Variants in TLN2 observed in about 807,000 individuals in gnomAD.
TLN2 encodes talin-2.
TLN2 carries 118 observed loss-of-function variants against 294.7 expected under a neutral mutation model. That is an observed-to-expected ratio of 0.40 (90% CI 0.34 to 0.47). The LOEUF is 0.47. Ranked by LOEUF, TLN2 falls within the 20% of genes least tolerant of loss-of-function variation. The pLI is 0.84. For synonymous variants in TLN2, 1,431 were observed against 1,304.5 expected (o/e 1.10, Z -2.09); for missense variants, 3,083 against 3,282.2 (o/e 0.94, Z 1.48).
At chr15:62,760,340 C>A (rs752187220) in intron 37 of TLN2, among the ~76,000 whole-genome samples, 28 of 152,176 alleles carry the variant, frequency 1.8e-4, no homozygotes, top group Non-Finnish European at 3.1e-4. Context: ...TCAGAAATCG[C>A]CTTCAAACCA....
Position 62,677,806 on chromosome 15 carries a change from C to CTTTTTTTTTTTTTTTTTTTTTT in TLN2, c.957+2500_957+2501insTTTTTTTTTTTTTTTTTTTTTT. 2.4e-4 allele frequency among the ~76,000 whole-genome samples: 18 copies of CTTTTTTTTTTTTTTTTTTTTTT among 75,270 alleles called. 5 individuals are homozygous for CTTTTTTTTTTTTTTTTTTTTTT. Among genetic ancestry groups the CTTTTTTTTTTTTTTTTTTTTTT allele is most frequent in the African/African-American group, 2.8e-4 (6 of 21,182 alleles). The allele number at this position is 75,270 out of a possible 152,430, so 49.4% of individuals were successfully genotyped here. ...TTAAGAAAGTAGGCAGCACTTGCAACTTTTTTTTTTTTTTTGAGACGGAGA... is the reference window on the plus strand; with the variant it reads ...TTAAGAAAGTAGGCAGCACTTGCAACTTTTTTTTTTTTTTTTTTTTTTTTTTTTTTTTTTTTTGAGACGGAGA... On this transcript the variant is annotated intron_variant, in intron 11 of 58. Transcript: ENST00000636159.
Position 62,657,152 on chromosome 15 carries a change from G to GT in TLN2, c.661-618dup, listed in dbSNP as rs1266711745. Among the ~76,000 whole-genome samples the GT allele has an allele frequency of 7.2e-4, 60 of 82,986 alleles. 2 individuals carry two copies. The highest frequency in any genetic ancestry group is 2.9e-3 in the East Asian group (7 of 2,410). The allele number at this position is 82,986 out of a possible 152,430, so 54.4% of individuals were successfully genotyped here. A position where few individuals can be genotyped will look rare whatever the true frequency, so the allele number is the denominator to read the frequency against. On this transcript the variant is annotated intron_variant, in intron 8 of 58. Transcript: ENST00000636159. ...TTTAGAGAAAGGAAAGGCTGAAAAGGTGGGGGGGGGAAGCAACAGCAGTGA... is the reference window on the plus strand; with the variant it reads ...TTTAGAGAAAGGAAAGGCTGAAAAGGTTGGGGGGGGGAAGCAACAGCAGTGA...
chr15:62,417,452 T>C (rs1402481438), intron 1 of TLN2, among the ~76,000 whole-genome samples: 2 of 152,200 alleles, frequency 1.3e-5, no homozygotes, highest in African/African-American at 4.8e-5. Flanking sequence ...CTTTACTGTG[T>C]CCTCATTAAG....
chr15:62,661,550 G>A (rs1037146377), intron 9 of TLN2, among the ~76,000 whole-genome samples: 13 of 152,118 alleles, frequency 8.5e-5, no homozygotes, highest in Admixed American at 3.3e-4. Flanking sequence ...TGGAAACAAA[G>A]TGAAAAGAAC....
intron 2 of TLN2, among the ~76,000 whole-genome samples, chr15:62,594,887 T>G: frequency 6.6e-6 from 1 of 152,194 alleles, no homozygotes; most frequent in Non-Finnish European, 1.5e-5. Context: ...GAGAAAATGT[T>G]TGTAAATCAT....
At chr15:62,664,816 A>C (rs1167091048) in intron 9 of TLN2, among the ~76,000 whole-genome samples, 3 of 135,644 alleles carry the variant, frequency 2.2e-5, no homozygotes, top group Non-Finnish European at 4.6e-5. Flanking sequence ...TGAGATATGC[A>C]TCATTGTACT....
In TLN2 at chr15:62,616,950, G is replaced by A. The variant is rs547020826; in HGVS notation, c.-161-1401G>A. On this transcript the variant is annotated intron_variant, in intron 2 of 58. Coordinates refer to ENST00000636159, the MANE Select transcript of TLN2 (RefSeq NM_015059.3). ...GGTGTGATCCTTCCCATCTGGCCTG[G>A]CTATGACAGAGTGGAAGGTGGTGTC... is the stretch of plus-strand genomic sequence containing the variant. 6.2e-4 allele frequency among the ~76,000 whole-genome samples: 94 copies of A among 152,186 alleles called. 1 individual carries two copies. The South Asian group carries it at 0.019, about 31-fold the overall frequency.
intron 28 of TLN2, 30 bp downstream of exon 28, chr15:62,727,219 G>T: frequency 1.3e-6 from 2 of 1,597,158 alleles, no homozygotes; most frequent in South Asian, 1.1e-5. Context: ...TGCCACTGTG[G>T]CCAGCTTCAG....
chr15:62,667,608 C>T (rs1341608964), intron 9 of TLN2, among the ~76,000 whole-genome samples: 2 of 152,184 alleles, frequency 1.3e-5, no homozygotes, highest in Non-Finnish European at 2.9e-5. Flanking sequence ...TAAGCCTCTC[C>T]TTTTCAAGTG....
chr15:62,410,241 C>CA (rs1427886746), intron 1 of TLN2, among the ~76,000 whole-genome samples: 9 of 147,632 alleles, frequency 6.1e-5, no homozygotes, highest in African/African-American at 7.5e-5. Flanking sequence ...GACTCCATCT[C>CA]AAAAAGAAAA....
intron 22 of TLN2, among the ~76,000 whole-genome samples, chr15:62,713,287 A>AAC (rs2059545658): frequency 1.3e-5 from 2 of 151,270 alleles, no homozygotes; most frequent in Non-Finnish European, 2.9e-5. Context: ...AAAAAAAAAA[A>AAC]AACAAAAAAT....
intron 27 of TLN2, among the ~76,000 whole-genome samples, chr15:62,726,882 G>T (rs2060470235): frequency 1.3e-5 from 2 of 152,126 alleles, no homozygotes; most frequent in African/African-American, 4.8e-5. Context: ...GAGGGGAGGG[G>T]GCATGGGGCA....
At chr15:62,531,435 C>T (rs181698275) in intron 1 of TLN2, among the ~76,000 whole-genome samples, 27 of 152,100 alleles carry the variant, frequency 1.8e-4, no homozygotes, top group African/African-American at 5.5e-4. Context: ...TCAAAGGGTA[C>T]GAAGGCTCAA....
At chr15:62,514,017 G>A (rs898353155) in intron 1 of TLN2, among the ~76,000 whole-genome samples, 4 of 152,172 alleles carry the variant, frequency 2.6e-5, no homozygotes, top group Admixed American at 6.5e-5. Context: ...CAAGGAGTTG[G>A]CAGAAACCTC....
At chr15:62,793,977 A>G (rs867053240) in intron 46 of TLN2, among the ~76,000 whole-genome samples, 1 of 151,586 alleles carries the variant, frequency 6.6e-6, no homozygotes, top group South Asian at 2.1e-4. Flanking sequence ...GCCTCCTGGG[A>G]CTCCACAGAC....
chr15:62,685,855 CT>C (rs987056685), intron 11 of TLN2, among the ~76,000 whole-genome samples: 3 of 152,186 alleles, frequency 2.0e-5, no homozygotes, highest in East Asian at 1.9e-4. Flanking sequence ...TCTCCTCCCC[CT>C]GGTCTATCAA....
intron 2 of TLN2, among the ~76,000 whole-genome samples, chr15:62,591,860 C>A (rs572490592): frequency 6.6e-6 from 1 of 152,250 alleles, no homozygotes; most frequent in African/African-American, 2.4e-5. Context: ...GCTTTCCTGA[C>A]CAGAGGACCG....
At chr15:62,521,148 T>C (rs773568017) in intron 1 of TLN2, among the ~76,000 whole-genome samples, 14 of 152,168 alleles carry the variant, frequency 9.2e-5, no homozygotes, top group Non-Finnish European at 1.8e-4. Flanking sequence ...ATCTGAAGCT[T>C]GAAGGGAAAG....
chr15:62,476,175 G>A (rs574868589), intron 1 of TLN2, among the ~76,000 whole-genome samples: 2 of 152,324 alleles, frequency 1.3e-5, no homozygotes, highest in East Asian at 1.9e-4. Flanking sequence ...GCTGCACAGA[G>A]CCTCAGGAGC....
Sources: gnomAD v4.1 joint callset for allele counts (sites outside exome capture counted in the v4.1 genomes callset) on GRCh38, gnomAD v4.1.1 for gene constraint, MANE v1.5 for transcripts, NCBI Gene and HGNC (gene_info 2026-07-23, HGNC 2026-07-21) for gene names.